Variants in CDC42BPA observed in about 807,000 individuals in gnomAD.
CDC42BPA encodes CDC42 binding protein kinase alpha, also known as serine/threonine-protein kinase MRCK alpha.
Under a neutral mutation model 223.5 loss-of-function variants are expected in CDC42BPA, and 80 were observed. That is an observed-to-expected ratio of 0.36 (90% CI 0.30 to 0.43). The LOEUF (loss-of-function observed/expected upper bound fraction) is 0.43, where lower values mean the gene tolerates loss of function less well. Among genes scored for constraint, CDC42BPA ranks in the 20% least tolerant of loss-of-function variants. The pLI is 1.00. For synonymous variants in CDC42BPA, 694 were observed against 718.6 expected (o/e 0.97, Z 0.55); for missense variants, 1,743 against 2,099.9 (o/e 0.83, Z 3.32).
At chr1:227,290,024 G>A (rs1689446845) in intron 1 of CDC42BPA, among the ~76,000 whole-genome samples, 1 of 151,922 alleles carries the variant, frequency 6.6e-6, no homozygotes, top group South Asian at 2.1e-4. Flanking sequence ...GTGAGTGACA[G>A]CAAGACTCTA....
chr1:227,312,239 G>A (rs1559018748), intron 1 of CDC42BPA, among the ~76,000 whole-genome samples: 1 of 152,028 alleles, frequency 6.6e-6, no homozygotes, highest in African/African-American at 2.4e-5. Flanking sequence ...AGCTACATAC[G>A]TAACATACTG....
rs139162731 is a variant in CDC42BPA, at chr1:227,117,382, T to C, written c.1647+2422A>G. 5.3e-4 allele frequency among the ~76,000 whole-genome samples: 80 copies of C among 152,246 alleles called. No homozygotes were observed. In the East Asian group the frequency reaches 0.015, roughly 28 times the overall value. Reference sequence around the variant, plus strand: ...ATCAGGCTGGAGTGCAGTGACATGATCATGGCTCACTGCAGCCTCAATCTA... The same window carrying C: ...ATCAGGCTGGAGTGCAGTGACATGACCATGGCTCACTGCAGCCTCAATCTA... On this transcript the variant is annotated intron_variant, in intron 12 of 36. Transcript: ENST00000366766.
intron 11 of CDC42BPA, among the ~76,000 whole-genome samples, chr1:227,125,318 G>A (rs768897034): frequency 1.2e-4 from 18 of 151,880 alleles, no homozygotes; most frequent in Non-Finnish European, 2.2e-4. Context: ...TGCAAGAGTG[G>A]TGTCAGAAAA....
chr1:227,313,869 TATACAA>T (rs1422338219), intron 1 of CDC42BPA, among the ~76,000 whole-genome samples: 33 of 152,166 alleles, frequency 2.2e-4, no homozygotes, highest in African/African-American at 8.0e-4. Context: ...TTTCTATGTA[TATACAA>T]AATCTGAATA....
intron 10 of CDC42BPA, among the ~76,000 whole-genome samples, chr1:227,136,622 A>T (rs544964909): frequency 5.3e-5 from 8 of 152,350 alleles, no homozygotes; most frequent in Admixed American, 2.6e-4. Flanking sequence ...ATTGAAGTTA[A>T]GGACATAATA....
intron 1 of CDC42BPA, among the ~76,000 whole-genome samples, chr1:227,260,971 T>G (rs1683936774): frequency 6.6e-6 from 1 of 150,956 alleles, no homozygotes; most frequent in African/African-American, 2.5e-5. Flanking sequence ...GACTATACAT[T>G]AATGAGTTAA....
chr1:227,170,817 T>C (rs1167977040), intron 5 of CDC42BPA, among the ~76,000 whole-genome samples: 1 of 152,214 alleles, frequency 6.6e-6, no homozygotes, highest in African/African-American at 2.4e-5. Flanking sequence ...CCAAACCTGC[T>C]TTCTCCAATT....
chr1:227,026,205 C>A (rs930452574), intron 30 of CDC42BPA, 53 bp from the exon 31 acceptor site: 6 of 960,390 alleles, frequency 6.2e-6, no homozygotes, highest in African/African-American at 3.3e-5. Context: ...CTATTAAACC[C>A]CAAATATTTT....
intron 21 of CDC42BPA, among the ~76,000 whole-genome samples, chr1:227,054,676 C>CT (rs1674207372): frequency 6.6e-6 from 1 of 152,126 alleles, no homozygotes; most frequent in Non-Finnish European, 1.5e-5. Flanking sequence ...CTTGGCTCCT[C>CT]TGTCAAGTCT....
At chr1:227,158,463 A>G (rs933568493) in intron 6 of CDC42BPA, among the ~76,000 whole-genome samples, 7 of 152,190 alleles carry the variant, frequency 4.6e-5, no homozygotes, top group African/African-American at 1.4e-4. Context: ...GAAGAAAAAC[A>G]ATTCTTATGT....
intron 32 of CDC42BPA, among the ~76,000 whole-genome samples, chr1:227,019,863 T>C (rs1667048000): frequency 6.6e-6 from 1 of 152,182 alleles, no homozygotes; most frequent in Admixed American, 6.5e-5. Flanking sequence ...TTTGTTGTTC[T>C]GCTTATAAAA....
At position 227,017,019 on chromosome 1, in the gene CDC42BPA, T is replaced by A; in HGVS notation, c.4647A>T (p.Ser1549=). ...EGDELVVPET[S]DNSRKQMVRN... is the part of the protein sequence containing the mutation. ...TAACCATTTGTTTCCGACTATTATC[T>A]GATGTTTCAGGTACTACCAGTTCGT... The change falls in exon 33 of 37, where the codon TCA becomes TCT. Residue 1549 remains serine, a synonymous_variant. Coordinates refer to ENST00000366766, the MANE Select transcript of CDC42BPA (RefSeq NM_001394014.1). 1.9e-6 allele frequency: 3 copies of A among 1,613,394 alleles called. No homozygotes were observed. Among genetic ancestry groups the A allele is most frequent in the Non-Finnish European group, 2.5e-6 (3 of 1,179,550 alleles).
intron 5 of CDC42BPA, among the ~76,000 whole-genome samples, chr1:227,174,213 T>G (rs1384310072): frequency 6.6e-6 from 1 of 152,178 alleles, no homozygotes; most frequent in Non-Finnish European, 1.5e-5. Flanking sequence ...TTACCTATTC[T>G]TTAATAGTTT....
intron 17 of CDC42BPA, among the ~76,000 whole-genome samples, chr1:227,074,940 G>A (rs921548823): frequency 2.0e-5 from 3 of 152,090 alleles, no homozygotes; most frequent in African/African-American, 7.2e-5. Flanking sequence ...TCTAGCTAAC[G>A]ATACAATTAT....
chr1:227,203,901 T>C (rs186226318), intron 3 of CDC42BPA, among the ~76,000 whole-genome samples: 75 of 152,314 alleles, frequency 4.9e-4, no homozygotes, highest in African/African-American at 1.8e-3. Context: ...GACACAGGAT[T>C]CTCTTCATCG....
intron 24 of CDC42BPA, among the ~76,000 whole-genome samples, chr1:227,037,410 G>T (rs1472425066): frequency 2.0e-5 from 3 of 152,128 alleles, no homozygotes; most frequent in Non-Finnish European, 2.9e-5. Flanking sequence ...TTAAATCTCT[G>T]CTTTCTTAAC....
intron 12 of CDC42BPA, among the ~76,000 whole-genome samples, chr1:227,118,033 A>G (rs1688047165): frequency 6.6e-6 from 1 of 152,212 alleles, no homozygotes. Context: ...CTCATTACTA[A>G]TTAGAGAAAT....
In CDC42BPA at chr1:227,069,597, G is replaced by T. The variant is rs747252059; in HGVS notation, c.2904+180C>A. 16 of 416,786 alleles carry T rather than the reference G, an allele frequency of 3.8e-5. 1 individual carries two copies. The Admixed American group carries it at 6.8e-4, about 18-fold the overall frequency. 25.8% of individuals were successfully genotyped at this position (416,786 alleles called of 1,614,324 possible). A position where few individuals can be genotyped will look rare whatever the true frequency, so the allele number is the denominator to read the frequency against. ...CTTAGATGTTTTGTTAAACAGAGGTGGGATTATAGTCTCCATAAGAATGCA... is the reference window on the plus strand; with the variant it reads ...CTTAGATGTTTTGTTAAACAGAGGTTGGATTATAGTCTCCATAAGAATGCA... On this transcript the variant is annotated intron_variant, in intron 21 of 36. Transcript: ENST00000366766.
chr1:227,128,905 T>C (rs1656392043), intron 11 of CDC42BPA, among the ~76,000 whole-genome samples: 1 of 152,240 alleles, frequency 6.6e-6, no homozygotes, highest in Admixed American at 6.5e-5. Flanking sequence ...CCTTTTCATA[T>C]GTATTGCAAT....
Sources: allele counts gnomAD v4.1 joint callset (sites outside exome capture counted in the v4.1 genomes callset), GRCh38; gene constraint gnomAD v4.1.1; transcripts MANE v1.5; gene names NCBI Gene and HGNC (gene_info 2026-07-23, HGNC 2026-07-21).